The following MDM1 variants were observed in gnomAD, a reference collection of about 807,000 sequenced individuals.
MDM1 encodes the protein stabilizer of axonemal microtubules 6, also known as Mdm1 nuclear protein.
Under a neutral mutation model 89.1 loss-of-function variants are expected in MDM1, and 61 were observed. That is an observed-to-expected ratio of 0.68 (90% confidence interval 0.56 to 0.85). The LOEUF is 0.85. Among genes scored for constraint, MDM1 ranks in the 40% least tolerant of loss-of-function variants. The pLI, the probability that MDM1 is intolerant of heterozygous loss-of-function variation, is 0.00. For missense variants in MDM1, 820 were observed against 846.5 expected (o/e 0.97, Z 0.39); for synonymous variants, 290 against 294.1 (o/e 0.99, Z 0.14).
At chr12:68,314,102 A>C (rs1874113634) in intron 10 of MDM1, among the ~76,000 whole-genome samples, 1 of 145,384 alleles carries the variant, frequency 6.9e-6, no homozygotes, top group Non-Finnish European at 1.5e-5. Context: ...GTGCCACTGC[A>C]CTCCAGCCTG....
intron 12 of MDM1, among the ~76,000 whole-genome samples, chr12:68,310,106 G>C (rs545243409): frequency 1.3e-5 from 2 of 152,316 alleles, no homozygotes; most frequent in East Asian, 3.9e-4. Flanking sequence ...AAATGGCTGG[G>C]ATTACAGGCA....
At chr12:68,314,890 A>C in intron 10 of MDM1, 58 bp downstream of exon 10, 1 of 1,390,928 alleles carries the variant, frequency 7.2e-7, no homozygotes, top group East Asian at 2.3e-5. Flanking sequence ...TTAGTGACAA[A>C]ATACATATCA....
chr12:68,329,485 T>G (rs909608719), intron 2 of MDM1, among the ~76,000 whole-genome samples: 1 of 152,230 alleles, frequency 6.6e-6, no homozygotes. Flanking sequence ...AGCACTGATC[T>G]GTGTACTCAA....
At chr12:68,324,015 G>A (rs140685441) in intron 4 of MDM1, among the ~76,000 whole-genome samples, 1 of 152,218 alleles carries the variant, frequency 6.6e-6, no homozygotes, top group East Asian at 1.9e-4. Context: ...CCCTTTTAGA[G>A]GTTTCCTATC....
chr12:68,295,733 G>C (rs1338220885), intron 14 of MDM1, among the ~76,000 whole-genome samples: 1 of 152,122 alleles, frequency 6.6e-6, no homozygotes, highest in East Asian at 1.9e-4. Flanking sequence ...TGAGCAAAAA[G>C]CTTTTCTAAA....
chr12:68,302,985 A>ACACC, intron 12 of MDM1, 113 bp from the exon 13 acceptor site: 2 of 966,802 alleles, frequency 2.1e-6, no homozygotes, highest in Non-Finnish European at 2.9e-6. Context: ...GAGAAATATG[A>ACACC]GAGAATTTAT....
chr12:68,328,737 T>TCTGCC (rs1353292008), intron 2 of MDM1, among the ~76,000 whole-genome samples: 2 of 152,110 alleles, frequency 1.3e-5, no homozygotes, highest in Non-Finnish European at 2.9e-5. Flanking sequence ...TCTCAAGTGG[T>TCTGCC]CTGCCGCTGT....
At chr12:68,322,766 C>T (rs1393313120) in intron 5 of MDM1, among the ~76,000 whole-genome samples, 1 of 152,292 alleles carries the variant, frequency 6.6e-6, no homozygotes, top group South Asian at 2.1e-4. Context: ...ATTAAACTTA[C>T]TTGACTTTGA....
At position 68,316,197 on chromosome 12, in the gene MDM1, A is replaced by C; in HGVS notation, c.1092T>G (p.His364Gln). 1 of 1,614,110 alleles carries C rather than the reference A, an allele frequency of 6.2e-7. No individual in the cohort carries two copies. The change falls in exon 9 of 15, where the codon CAT becomes CAG. Residue 364 changes from histidine (H) to glutamine (Q), a missense_variant. Physicochemically the swap from His to Gln is conservative, Grantham distance 24. Coordinates refer to ENST00000682720, the MANE Select transcript of MDM1 (RefSeq NM_001354969.2). Reference sequence around the variant, plus strand: ...TCTGATTCAGATGGTCCCGAGAAAAATGCGTCCCCTGAACTCGCTTCCTAT... The same window carrying C: ...TCTGATTCAGATGGTCCCGAGAAAACTGCGTCCCCTGAACTCGCTTCCTAT... ...EFYRKRVQGT[H>Q]FSRDHLNQIL...
intron 4 of MDM1, 173 bp from the exon 5 acceptor site, chr12:68,323,413 T>C (rs935258850): frequency 9.7e-6 from 5 of 517,878 alleles, no homozygotes; most frequent in Admixed American, 8.0e-5. Flanking sequence ...CAACTTTATG[T>C]ACTCATTACT....
rs191671156 is a variant in MDM1, at chr12:68,317,290, T to G, written c.1006-680A>C. 2.4e-3 allele frequency among the ~76,000 whole-genome samples: 358 copies of G among 152,228 alleles called. 1 individual carries two copies. Among genetic ancestry groups the G allele is most frequent in the African/African-American group, 8.2e-3 (341 of 41,550 alleles). On this transcript the variant is annotated intron_variant, in intron 7 of 14. Coordinates refer to ENST00000682720, the MANE Select transcript of MDM1 (RefSeq NM_001354969.2). ...TACAATTCCACAATGTAAAAAAAAT[T>G]AAGTTCAAGTTTTACCCTTAAAATT...
intron 1 of MDM1, chr12:68,331,868 G>A (rs1876877364): frequency 1.8e-6 from 1 of 541,918 alleles, no homozygotes; most frequent in Non-Finnish European, 3.5e-6. Context: ...AGTTTTAAAG[G>A]TAATGGGGGT....
chr12:68,329,006 T>G (rs1876408592), intron 2 of MDM1, among the ~76,000 whole-genome samples: 1 of 152,290 alleles, frequency 6.6e-6, no homozygotes, highest in South Asian at 2.1e-4. Context: ...TCCCCTCAAA[T>G]GCAGCTGATC....
intron 14 of MDM1, 95 bp downstream of exon 14, chr12:68,296,828 T>C: frequency 1.3e-6 from 1 of 745,764 alleles, no homozygotes; most frequent in Non-Finnish European, 2.0e-6. Flanking sequence ...TCTGTGGAAG[T>C]ACTTCATAAG....
intron 10 of MDM1, among the ~76,000 whole-genome samples, chr12:68,314,302 C>T (rs1015904150): frequency 6.6e-6 from 1 of 151,942 alleles, no homozygotes; most frequent in Non-Finnish European, 1.5e-5. Flanking sequence ...TAAGCTATAT[C>T]AACTATATCA....
chr12:68,332,204 C>A, intron 1 of MDM1, 24 bp downstream of exon 1: 1 of 1,547,706 alleles, frequency 6.5e-7, no homozygotes, highest in Admixed American at 1.9e-5. Context: ...CAGCCACATT[C>A]CGGCCCGGGG....
At chr12:68,323,286 C>CG (rs1272945778) in intron 4 of MDM1, 46 bp from the exon 5 acceptor site, 1 of 1,404,484 alleles carries the variant, frequency 7.1e-7, no homozygotes, top group Non-Finnish European at 9.6e-7. Flanking sequence ...ATTAAATATG[C>CG]GGAACTTTGG....
intron 10 of MDM1, 22 bp downstream of exon 10, chr12:68,314,926 C>T (rs1874251406): frequency 1.9e-6 from 3 of 1,580,458 alleles, no homozygotes; most frequent in Non-Finnish European, 2.6e-6. Context: ...CTTCTCTATA[C>T]TGAGTAATTT....
At chr12:68,300,518 C>T (rs113504507) in intron 13 of MDM1, among the ~76,000 whole-genome samples, 1 of 151,906 alleles carries the variant, frequency 6.6e-6, no homozygotes, top group Admixed American at 6.6e-5. Flanking sequence ...AGTCTTATAT[C>T]AGGCAAAACA....
Sources: allele counts gnomAD v4.1 joint callset (sites outside exome capture counted in the v4.1 genomes callset), GRCh38; gene constraint gnomAD v4.1.1; transcripts MANE v1.5; gene names NCBI Gene and HGNC (gene_info 2026-07-23, HGNC 2026-07-21).